The following MOV10 variants were observed in gnomAD, a reference collection of about 807,000 sequenced individuals.
MOV10 encodes the protein Mov10 RNA helicase, also known as RNA helicase MOV-10.
Under a neutral mutation model 108.4 loss-of-function variants are expected in MOV10, and 39 were observed. The observed-to-expected ratio is 0.36, with a 90% CI of 0.28 to 0.47. The LOEUF (loss-of-function observed/expected upper bound fraction) is 0.47, where lower values mean the gene tolerates loss of function less well. MOV10 is among the 20% of genes least tolerant of loss of function. The pLI is 1.00. For missense variants in MOV10, 952 were observed against 1,297.6 expected (o/e 0.73, Z 4.09); for synonymous variants, 490 against 523.1 (o/e 0.94, Z 0.86).
At position 112,699,724 on chromosome 1, in the gene MOV10, G is replaced by A. The variant is rs772354886; in HGVS notation, c.2623G>A (p.Val875Ile). 6.2e-6 allele frequency: 10 copies of A among 1,614,198 alleles called. No individual in the cohort carries two copies. The highest frequency in any genetic ancestry group is 2.2e-5 in the South Asian group (2 of 91,092). Reference sequence around the variant, plus strand: ...AGAATTCCAAGGCCAAGAACGAAGCGTCATCCTCATCTCCACCGTGCGAAG... The same window carrying A: ...AGAATTCCAAGGCCAAGAACGAAGCATCATCCTCATCTCCACCGTGCGAAG... ...VEEFQGQERS[V>I]ILISTVRSSQ... is the part of the protein sequence containing the mutation. The change falls in exon 18 of 21, where the codon GTC becomes ATC. Residue 875 changes from valine to isoleucine, a missense_variant. Physicochemically the swap from Val to Ile is conservative, Grantham distance 29 (BLOSUM62 3). Transcript: ENST00000369645.
At chr1:112,674,792 A>T in intron 1 of MOV10, 56 bp from the exon 2 acceptor site, 2 of 978,780 alleles carry the variant, frequency 2.0e-6, no homozygotes, top group Non-Finnish European at 1.5e-6. Context: ...ATCAGGGGTC[A>T]GAGTTAGGGG....
At position 112,700,448 on chromosome 1, in the gene MOV10, C is replaced by T. The variant is rs777040893; in HGVS notation, c.2953C>T (p.Arg985Trp). The change falls in exon 21 of 21, where the codon CGG becomes TGG. Residue 985 changes from arginine to tryptophan, a missense_variant. Arg to Trp is a moderately radical substitution (Grantham distance 101). Transcript: ENST00000369645. ...CAGCCATGACTACCTCCCCCAGGAG[C>T]GGGAGGGTGAAGGGGGCCTGTCTCT... is the stretch of plus-strand genomic sequence containing the variant. ...PHSHDYLPQE[R>W]EGEGGLSLQV... The T allele has an allele frequency of 1.7e-5, 27 of 1,613,624 alleles. No homozygotes were observed. The highest frequency in any genetic ancestry group is 2.0e-5 in the Non-Finnish European group (24 of 1,179,852).
intron 19 of MOV10, 92 bp downstream of exon 19, chr1:112,700,074 T>C: frequency 6.3e-7 from 1 of 1,586,330 alleles, no homozygotes; most frequent in Non-Finnish European, 8.6e-7. Context: ...ATCGCTCAGT[T>C]AATCCTCAGA....
chr1:112,700,464 G>T lies in MOV10; in HGVS notation c.2969G>T (p.Gly990Val), dbSNP rs1418461720. 8 of 1,613,774 alleles carry T rather than the reference G, an allele frequency of 5.0e-6. No individual in the cohort carries two copies. In the East Asian group the frequency reaches 1.8e-4, roughly 36 times the overall value. Residue 990 changes from glycine (G) to valine (V), a missense_variant, in exon 21 of 21, where the codon GGC becomes GTC. Gly to Val is a moderately radical substitution (Grantham distance 109, BLOSUM62 -3). Transcript: ENST00000369645. ...CCCCAGGAGCGGGAGGGTGAAGGGG[G>T]CCTGTCTCTGCAAGTGGAGCCAGAG... is the stretch of plus-strand genomic sequence containing the variant. The part of the protein sequence containing the change: ...YLPQEREGEG[G>V]LSLQVEPEWR...
chr1:112,698,820 C>T, intron 17 of MOV10, 31 bp downstream of exon 17: 3 of 1,586,014 alleles, frequency 1.9e-6, no homozygotes, highest in Non-Finnish European at 2.6e-6. Flanking sequence ...CACTCCCTGC[C>T]TTCCGTGTGC....
intron 2 of MOV10, among the ~76,000 whole-genome samples, chr1:112,677,340 C>A (rs1672274594): frequency 6.6e-6 from 1 of 152,200 alleles, no homozygotes; most frequent in Non-Finnish European, 1.5e-5. Flanking sequence ...GTTTCATCAA[C>A]TATCCCCGCT....
chr1:112,691,461 T>A, intron 5 of MOV10, among the ~76,000 whole-genome samples: 1 of 152,218 alleles, frequency 6.6e-6, no homozygotes, highest in Non-Finnish European at 1.5e-5. Context: ...TCTCTAGTGA[T>A]CATTTATTAC....
chr1:112,675,472 CGCGG>C lies in MOV10; in HGVS notation c.137+426_137+429del, dbSNP rs1341504330. Among the ~76,000 whole-genome samples the C allele has an allele frequency of 2.6e-5, 4 of 152,188 alleles. No individual in the cohort carries two copies. The highest frequency in any genetic ancestry group is 7.2e-5 in the African/African-American group (3 of 41,450). Reference sequence around the variant, plus strand: ...GCCTGTTGGGGGCTGCGAGCCCGAGCGCGGGCTTTACAGGGACCTCTGCCACCTT... The same window carrying C: ...GCCTGTTGGGGGCTGCGAGCCCGAGCGCTTTACAGGGACCTCTGCCACCTT... On this transcript the variant is annotated intron_variant, in intron 2 of 20. Coordinates refer to ENST00000369645, the MANE Select transcript of MOV10 (RefSeq NM_001321324.2). This position sits in a 1 kb window ranked among gnomAD's most constrained non-coding sequence, Gnocchi z 4.7.
chr1:112,696,572 T>G (rs542473769), intron 13 of MOV10, 38 bp downstream of exon 13: 1 of 1,610,916 alleles, frequency 6.2e-7, no homozygotes, highest in East Asian at 2.2e-5. Flanking sequence ...ATACACCCTG[T>G]GTGGGTCAGA....
chr1:112,677,195 C>T (rs938365384), intron 2 of MOV10, among the ~76,000 whole-genome samples: 1 of 151,866 alleles, frequency 6.6e-6, no homozygotes, highest in Non-Finnish European at 1.5e-5. Context: ...ATCCTGAGAC[C>T]CAGTGAAAGA....
chr1:112,697,002 A>G (rs1320317335), intron 14 of MOV10, among the ~76,000 whole-genome samples, 156 bp downstream of exon 14: 1 of 152,194 alleles, frequency 6.6e-6, no homozygotes, highest in East Asian at 1.9e-4. Context: ...TTCTAGCCCC[A>G]GCACTGCTGC....
At position 112,698,361 on chromosome 1, in the gene MOV10, T is replaced by A. The variant is rs1337020449; in HGVS notation, c.2391T>A (p.Pro797=). The change falls in exon 16 of 21, where the codon CCT becomes CCA. Residue 797 remains proline (P), a synonymous_variant. Coordinates refer to ENST00000369645, the MANE Select transcript of MOV10 (RefSeq NM_001321324.2). ...REGNSPSFFN[P]EEAATVTSYL... is the part of the protein sequence containing the mutation. ...GCAACAGCCCATCCTTCTTCAACCCTGAAGAGGCTGCCACAGTGACTTCCT... is the reference window on the plus strand; with the variant it reads ...GCAACAGCCCATCCTTCTTCAACCCAGAAGAGGCTGCCACAGTGACTTCCT... The A allele has an allele frequency of 1.2e-6, 2 of 1,614,080 alleles. No individual in the cohort carries two copies. The highest frequency in any genetic ancestry group is 3.3e-5 in the Admixed American group (2 of 60,002).
intron 2 of MOV10, among the ~76,000 whole-genome samples, chr1:112,684,324 A>G (rs531007771): frequency 7.1e-6 from 1 of 141,296 alleles, no homozygotes; most frequent in African/African-American, 2.7e-5. Context: ...CTGGAGTGCA[A>G]TGGCGCGAAC....
intron 3 of MOV10, 21 bp from the exon 4 acceptor site, chr1:112,689,394 C>CT: frequency 4.0e-6 from 6 of 1,499,138 alleles, no homozygotes; most frequent in African/African-American, 2.7e-5. Flanking sequence ...CCAACCCCCC[C>CT]TTGACTCCCC....
rs1332163571 is a variant in MOV10 at position 112,675,115 on chromosome 1, G to A, written c.137+66G>A. 6.4e-7 allele frequency: 1 copy of A among 1,555,114 alleles called. No homozygotes were observed. Among genetic ancestry groups the A allele is most frequent in the Non-Finnish European group, 8.7e-7 (1 of 1,153,824 alleles). The stretch of plus-strand genomic sequence containing the variant: ...GCTTGCTGCCACGACCCCCGCGCGA[G>A]GGCCACCTTTCCCGCCCCGGGGCGC... On this transcript the variant is annotated intron_variant, in intron 2 of 20. Transcript: ENST00000369645. This position sits in a 1 kb window ranked among gnomAD's most constrained non-coding sequence, Gnocchi z 4.7.
chr1:112,679,367 G>A (rs1377617154), intron 2 of MOV10, among the ~76,000 whole-genome samples: 1 of 152,120 alleles, frequency 6.6e-6, no homozygotes, highest in African/African-American at 2.4e-5. Flanking sequence ...TCTAAAATGG[G>A]ATGATAATAA....
rs1160742633 is a variant in MOV10, at chr1:112,700,456, T to G, written c.2961T>G (p.Gly987=). ...ACTACCTCCCCCAGGAGCGGGAGGG[T>G]GAAGGGGGCCTGTCTCTGCAAGTGG... ...SHDYLPQERE[G]EGGLSLQVEP... Residue 987 remains glycine (G), a synonymous_variant, in exon 21 of 21, where the codon GGT becomes GGG. Coordinates refer to ENST00000369645, the MANE Select transcript of MOV10 (RefSeq NM_001321324.2). The G allele has an allele frequency of 2.5e-6, 4 of 1,613,480 alleles. No individual in the cohort carries two copies. The highest frequency in any genetic ancestry group is 3.4e-6 in the Non-Finnish European group (4 of 1,179,810).
At position 112,689,873 on chromosome 1, in the gene MOV10, C is replaced by T. The variant is rs376355139; in HGVS notation, c.611C>T (p.Thr204Ile). Residue 204 changes from threonine (T) to isoleucine (I), a missense_variant, in exon 5 of 21, where the codon ACC becomes ATC. Thr to Ile is a moderately conservative substitution (Grantham distance 89). This residue lies in a region of MOV10 where 374 missense variants were observed against 468.6 expected (regional missense o/e 0.80). Coordinates refer to ENST00000369645, the MANE Select transcript of MOV10 (RefSeq NM_001321324.2). ...TATGAACTCCATGTCCATTGTAAGA[C>T]CAGCTTTGTGGGCTACTTCCCAGCC... is the stretch of plus-strand genomic sequence containing the variant. ...ECYELHVHCK[T>I]SFVGYFPATV... 3.7e-6 allele frequency: 6 copies of T among 1,614,078 alleles called. No homozygotes were observed. In the African/African-American group the frequency reaches 8.0e-5, roughly 22 times the overall value.
At chr1:112,697,001 C>G (rs554705047) in intron 14 of MOV10, among the ~76,000 whole-genome samples, 155 bp downstream of exon 14, 6 of 152,312 alleles carry the variant, frequency 3.9e-5, no homozygotes, top group African/African-American at 1.4e-4. Flanking sequence ...TTTCTAGCCC[C>G]AGCACTGCTG....
Sources: allele counts gnomAD v4.1 joint callset (sites outside exome capture counted in the v4.1 genomes callset), GRCh38; gene constraint gnomAD v4.1.1; regional missense constraint gnomAD v4.1.1; non-coding constraint Gnocchi (gnomAD v3.1); transcripts MANE v1.5; gene names NCBI Gene and HGNC (gene_info 2026-07-23, HGNC 2026-07-21).